Variants in PWWP2A observed in about 807,000 individuals in gnomAD.
PWWP2A encodes PWWP domain containing 2A.
In PWWP2A, 18 loss-of-function variants were observed where a neutral mutation model predicts 48.5. The ratio of observed to expected loss-of-function variants is 0.37; its 90% CI spans 0.26 to 0.55. The LOEUF (loss-of-function observed/expected upper bound fraction) is 0.55. Ranked by LOEUF, PWWP2A falls within the 20% of genes least tolerant of loss-of-function variation. The pLI is 0.81. For missense variants in PWWP2A, 867 were observed against 976.4 expected (o/e 0.89, Z 1.49); for synonymous variants, 396 against 387.7 (o/e 1.02, Z -0.25).
chr5:160,113,400 A>G (rs555932048), intron 1 of PWWP2A: 8 of 888,566 alleles, frequency 9.0e-6, no homozygotes, highest in Non-Finnish European at 1.1e-5. Context: ...TTAGTCATCC[A>G]CACATATATT....
chr5:160,065,222 TC>T, intron 4 of PWWP2A: 2 of 1,047,468 alleles, frequency 1.9e-6, no homozygotes, highest in African/African-American at 1.6e-5. Context: ...TCTTTTATGA[TC>T]AGGGTGAAAT....
the PWWP2A span, among the ~76,000 whole-genome samples, chr5:160,048,731 G>A: frequency 3.3e-5 from 5 of 152,118 alleles, no homozygotes; most frequent in South Asian, 1.0e-3. Context: ...TCTTTAATTT[G>A]TATCTTCAAA....
intron 1 of PWWP2A, among the ~76,000 whole-genome samples, chr5:160,115,270 A>C (rs2113684382): frequency 6.6e-6 from 1 of 151,994 alleles, no homozygotes; most frequent in Admixed American, 6.6e-5. Context: ...ATGAAAATAT[A>C]GCTGGCTGGC....
intron 1 of PWWP2A, among the ~76,000 whole-genome samples, chr5:160,102,068 C>T (rs1425586690): frequency 6.6e-6 from 1 of 150,608 alleles, no homozygotes; most frequent in Admixed American, 6.6e-5. Flanking sequence ...CAAGATCACA[C>T]CATTGCCCTC....
the PWWP2A span, among the ~76,000 whole-genome samples, chr5:160,046,879 G>T: frequency 7.0e-4 from 106 of 152,164 alleles, no homozygotes; most frequent in South Asian, 3.9e-3. Flanking sequence ...GGGCATGGCG[G>T]CACGTGCCTG....
chr5:160,069,448 TACTC>T (rs1165925707), intron 2 of PWWP2A, among the ~76,000 whole-genome samples: 1 of 152,222 alleles, frequency 6.6e-6, no homozygotes, highest in Non-Finnish European at 1.5e-5. Flanking sequence ...TGGACCTAGT[TACTC>T]AAGTAAACTT....
intron 1 of PWWP2A, among the ~76,000 whole-genome samples, chr5:160,112,716 C>A (rs757150810): frequency 4.6e-5 from 7 of 151,794 alleles, no homozygotes; most frequent in Non-Finnish European, 7.3e-5. Context: ...TACATATAAA[C>A]TGAGGCGTAA....
chr5:160,114,863 G>C, intron 1 of PWWP2A, among the ~76,000 whole-genome samples: 1 of 151,104 alleles, frequency 6.6e-6, no homozygotes, highest in Non-Finnish European at 1.5e-5. Context: ...AGGTGTGGCC[G>C]AGTGCAGTGG....
intron 1 of PWWP2A, among the ~76,000 whole-genome samples, chr5:160,098,893 G>A (rs900275270): frequency 2.6e-5 from 4 of 152,044 alleles, no homozygotes; most frequent in East Asian, 1.9e-4. Context: ...CTGAGATCAC[G>A]CCACTGCACT....
Position 160,093,032 on chromosome 5 carries a change from T to A in PWWP2A, c.1618A>T (p.Thr540Ser). The change falls in exon 2 of 2, where the codon ACA (threonine) becomes TCA (serine). Residue 540 changes from threonine to serine, a missense_variant. Transcript: ENST00000307063. This position sits in a 1 kb window ranked among gnomAD's most constrained non-coding sequence, Gnocchi z 5.8. The part of the protein sequence containing the change: ...PEEASSEVQD[T>S]NEVHVPGDQD... Reference sequence around the variant, plus strand: ...TCACCAGGCACATGCACTTCATTTGTGTCCTGAACCTCACTGCTGGCCTCT... The same window carrying A: ...TCACCAGGCACATGCACTTCATTTGAGTCCTGAACCTCACTGCTGGCCTCT... 4 of 1,603,040 alleles carry A rather than the reference T, an allele frequency of 2.5e-6. No homozygotes were observed. The highest frequency in any genetic ancestry group is 3.4e-6 in the Non-Finnish European group (4 of 1,174,696).
downstream of PWWP2A, among the ~76,000 whole-genome samples, chr5:160,073,225 ATTTCTTT>A (rs1753786784): frequency 2.4e-5 from 2 of 84,354 alleles, no homozygotes; most frequent in African/African-American, 9.0e-5. Context: ...GTATAAAAAC[ATTTCTTT>A]TTTTTTTTTT....
intron 2 of PWWP2A, among the ~76,000 whole-genome samples, chr5:160,084,072 A>C (rs1340830278): frequency 6.6e-6 from 1 of 152,230 alleles, no homozygotes; most frequent in East Asian, 1.9e-4. Context: ...ATGTTGCAGA[A>C]TGATAGTATC....
chr5:160,073,120 A>G (rs745959436), downstream of PWWP2A, among the ~76,000 whole-genome samples: 12 of 152,112 alleles, frequency 7.9e-5, no homozygotes, highest in Admixed American at 5.2e-4. Flanking sequence ...CATTTTGCCA[A>G]TAAGGCTGCT....
downstream of PWWP2A, among the ~76,000 whole-genome samples, chr5:160,074,939 T>G (rs1753832099): frequency 9.9e-6 from 1 of 101,518 alleles, no homozygotes; most frequent in Non-Finnish European, 2.2e-5. Context: ...TCTCTATTAT[T>G]TAAATTAAAA....
chr5:160,050,872 C>T, the PWWP2A span, among the ~76,000 whole-genome samples: 14 of 152,006 alleles, frequency 9.2e-5, no homozygotes, highest in Non-Finnish European at 2.9e-5. Flanking sequence ...GCGATCCTCC[C>T]AACTCGGCCT....
At chr5:160,095,797 C>A (rs564734307) in intron 1 of PWWP2A, among the ~76,000 whole-genome samples, 10 of 148,614 alleles carry the variant, frequency 6.7e-5, no homozygotes, top group African/African-American at 2.5e-4. Flanking sequence ...TAGGCTCAAG[C>A]AATCCTCCCG....
chr5:160,058,633 G>A (rs1757612748), downstream of PWWP2A, among the ~76,000 whole-genome samples: 1 of 151,730 alleles, frequency 6.6e-6, no homozygotes, highest in Admixed American at 6.6e-5. Flanking sequence ...GGATGGTCTT[G>A]ATCTCCTGAC....
At chr5:160,070,424 G>A (rs1190618642) in intron 2 of PWWP2A, among the ~76,000 whole-genome samples, 1 of 152,078 alleles carries the variant, frequency 6.6e-6, no homozygotes, top group Non-Finnish European at 1.5e-5. Context: ...AGTGAGCTAT[G>A]ACCGAGCCAC....
chr5:160,074,762 AAAAC>A (rs1232301693), downstream of PWWP2A, among the ~76,000 whole-genome samples: 1 of 151,992 alleles, frequency 6.6e-6, no homozygotes, highest in Non-Finnish European at 1.5e-5. Flanking sequence ...AACAAAAAAA[AAAAC>A]AAAAAAAACC....
Sources: allele counts gnomAD v4.1 joint callset (sites outside exome capture counted in the v4.1 genomes callset), GRCh38; gene constraint gnomAD v4.1.1; non-coding constraint Gnocchi (gnomAD v3.1); transcripts MANE v1.5; gene names NCBI Gene and HGNC (gene_info 2026-07-23, HGNC 2026-07-21).